The following RAB27A variants were observed in gnomAD, a reference collection of about 807,000 sequenced individuals.
RAB27A encodes ras-related protein Rab-27A.
A neutral mutation model predicts 20.8 loss-of-function variants in RAB27A; 17 were observed. That is an observed-to-expected ratio of 0.82 (90% CI 0.56 to 1.23). The LOEUF is 1.23. RAB27A is among the 50% of genes most tolerant of loss of function. RAB27A has a pLI of 0.00. For missense variants in RAB27A, 277 were observed against 266.7 expected (o/e 1.04, Z -0.27); for synonymous variants, 85 against 92.8 (o/e 0.92, Z 0.48).
chr15:55,315,496 G>A (rs778447902), intron 1 of RAB27A, among the ~76,000 whole-genome samples: 10 of 152,084 alleles, frequency 6.6e-5, no homozygotes, highest in South Asian at 6.2e-4. Context: ...GAAAATTTTC[G>A]TAATCTATCC....
intron 2 of RAB27A, among the ~76,000 whole-genome samples, chr15:55,248,141 C>T (rs144916177): frequency 8.1e-4 from 124 of 152,246 alleles, no homozygotes; most frequent in East Asian, 5.4e-3. Flanking sequence ...TCTCTGCCCA[C>T]AGGAATATGT....
At chr15:55,207,829 C>T (rs1343922638) in intron 6 of RAB27A, among the ~76,000 whole-genome samples, 1 of 152,120 alleles carries the variant, frequency 6.6e-6, no homozygotes, top group African/African-American at 2.4e-5. Context: ...ACTACAGGAA[C>T]AGGCCACCAC....
At position 55,210,131 on chromosome 15, in the gene RAB27A, G is replaced by C. The variant is rs191899359; in HGVS notation, c.468-4426C>G. Among the ~76,000 whole-genome samples the C allele has an allele frequency of 1.4e-3, 174 of 124,520 alleles. 1 individual carries two copies. The highest frequency in any genetic ancestry group is 6.9e-3 in the South Asian group (29 of 4,230). 81.7% of individuals were successfully genotyped at this position (124,520 alleles called of 152,430 possible). On this transcript the variant is annotated intron_variant, in intron 6 of 6. Coordinates refer to ENST00000336787, the MANE Select transcript of RAB27A (RefSeq NM_183235.3). Reference sequence around the variant, plus strand: ...ACACACATACACATATGTATATATAGTGTATATATGTATGTGTATGTATAC... The same window carrying C: ...ACACACATACACATATGTATATATACTGTATATATGTATGTGTATGTATAC...
chr15:55,241,600 T>TATATATATATATA (rs1896481032), intron 2 of RAB27A, among the ~76,000 whole-genome samples: 2 of 123,898 alleles, frequency 1.6e-5, no homozygotes, highest in African/African-American at 8.5e-5. Context: ...CAAGACCTAT[T>TATATATATATATA]TATATATATA....
chr15:55,210,446 C>T (rs563929568), intron 6 of RAB27A, among the ~76,000 whole-genome samples: 1 of 147,140 alleles, frequency 6.8e-6, no homozygotes, highest in Admixed American at 6.7e-5. Flanking sequence ...GAATTACTGC[C>T]TATATTTTGG....
chr15:55,251,313 T>A (rs1489213618), intron 2 of RAB27A, among the ~76,000 whole-genome samples: 1 of 152,174 alleles, frequency 6.6e-6, no homozygotes, highest in Non-Finnish European at 1.5e-5. Flanking sequence ...AGGAAGAGTC[T>A]TGAGAACAAC....
rs1160837234 is a variant in RAB27A at position 55,205,196 on chromosome 15, A to G, written c.*311T>C. 2 of 398,722 alleles carry G rather than the reference A, an allele frequency of 5.0e-6. No homozygotes were observed. The highest frequency in any genetic ancestry group is 9.4e-6 in the Non-Finnish European group (2 of 211,938). 24.7% of individuals were successfully genotyped at this position (398,722 alleles called of 1,614,324 possible). A position where few individuals can be genotyped will look rare whatever the true frequency, so the allele number is the denominator to read the frequency against. On this transcript the variant is annotated 3_prime_UTR_variant, in exon 7 of 7. Transcript: ENST00000336787. ...GTGACAGTACCCTCATTCATTCTAC[A>G]TAATAAATACACTCTTCTGTGACTG... is the stretch of plus-strand genomic sequence containing the variant.
intron 1 of RAB27A, among the ~76,000 whole-genome samples, chr15:55,286,838 C>T (rs914138789): frequency 6.6e-6 from 1 of 151,268 alleles, no homozygotes; most frequent in Non-Finnish European, 1.5e-5. Context: ...TTGCAGTAAT[C>T]CAGGTGACAG....
At chr15:55,227,969 C>T (rs192283587) in intron 5 of RAB27A, among the ~76,000 whole-genome samples, 16 of 152,288 alleles carry the variant, frequency 1.1e-4, no homozygotes, top group African/African-American at 3.4e-4. Context: ...GTTATGCAGT[C>T]AAGTGGCAGA....
chr15:55,298,748 A>C (rs2054959823), intron 2 of RAB27A, among the ~76,000 whole-genome samples: 1 of 152,192 alleles, frequency 6.6e-6, no homozygotes, highest in East Asian at 1.9e-4. Context: ...AAAGATGGGC[A>C]CACCCAGGGG....
At chr15:55,240,781 C>A (rs764763767) in intron 2 of RAB27A, among the ~76,000 whole-genome samples, 3 of 152,154 alleles carry the variant, frequency 2.0e-5, no homozygotes, top group Non-Finnish European at 4.4e-5. Context: ...CTTATTTTAA[C>A]TTCTTTAAAA....
At chr15:55,221,352 A>G (rs974169177) in intron 6 of RAB27A, among the ~76,000 whole-genome samples, 2 of 151,974 alleles carry the variant, frequency 1.3e-5, no homozygotes, top group Admixed American at 1.3e-4. Context: ...CCATTGCTTC[A>G]TCACTTACTT....
intron 1 of RAB27A, among the ~76,000 whole-genome samples, chr15:55,288,244 G>T (rs1019047701): frequency 2.0e-5 from 3 of 152,074 alleles, no homozygotes; most frequent in Non-Finnish European, 4.4e-5. Context: ...AAATAGGCTC[G>T]GTGCAGTGGC....
At position 55,298,386 on chromosome 15, in the gene RAB27A, G is replaced by A. The variant is rs571528286; in HGVS notation, c.-112+15653C>T. Among the ~76,000 whole-genome samples the A allele has an allele frequency of 1.4e-4, 21 of 152,224 alleles. No homozygotes were observed. In the South Asian group the frequency reaches 1.7e-3, roughly 12 times the overall value. On this transcript the variant is annotated intron_variant, in intron 2 of 5. Coordinates refer to the RAB27A transcript ENST00000563262. ...GAGACATCACATGTCGGTAGGTTCC[G>A]TGATGCCCCACGAGCTGCAAAAACC...
intron 2 of RAB27A, among the ~76,000 whole-genome samples, chr15:55,306,733 T>C (rs2054998442): frequency 6.6e-6 from 1 of 152,116 alleles, no homozygotes; most frequent in South Asian, 2.1e-4. Context: ...TCCTATACGA[T>C]GGGGCATCAA....
chr15:55,303,689 C>A (rs1464903037), intron 2 of RAB27A, among the ~76,000 whole-genome samples: 1 of 128,440 alleles, frequency 7.8e-6, no homozygotes, highest in Non-Finnish European at 1.7e-5. Context: ...CCCGGCCAGC[C>A]GCCCCGTCCG....
At chr15:55,284,650 C>G (rs1396054483) in intron 1 of RAB27A, among the ~76,000 whole-genome samples, 1 of 152,134 alleles carries the variant, frequency 6.6e-6, no homozygotes, top group Non-Finnish European at 1.5e-5. Flanking sequence ...ATGAGGTGAT[C>G]TTGAGTGGAT....
At chr15:55,254,106 C>A (rs1457329427) in intron 2 of RAB27A, among the ~76,000 whole-genome samples, 2 of 152,142 alleles carry the variant, frequency 1.3e-5, no homozygotes, top group African/African-American at 2.4e-5. Context: ...CATAATTCTA[C>A]AATCACATTT....
intron 6 of RAB27A, among the ~76,000 whole-genome samples, chr15:55,213,577 AT>A (rs1218434563): frequency 6.6e-6 from 1 of 152,150 alleles, no homozygotes; most frequent in Non-Finnish European, 1.5e-5. Context: ...TTTCATCTGT[AT>A]TTACAGCTGC....
Sources: allele counts gnomAD v4.1 joint callset (sites outside exome capture counted in the v4.1 genomes callset), GRCh38; gene constraint gnomAD v4.1.1; transcripts MANE v1.5; gene names NCBI Gene and HGNC (gene_info 2026-07-23, HGNC 2026-07-21).